DGKB: variants seen among roughly 807,000 people sequenced by gnomAD.
The protein encoded by DGKB is diacylglycerol kinase beta.
DGKB carries 67 observed loss-of-function variants against 114.3 expected under a neutral mutation model. The observed-to-expected ratio is 0.59, with a 90% confidence interval of 0.48 to 0.72. The LOEUF is 0.72. DGKB is among the 30% of genes least tolerant of loss of function. The probability of loss-of-function intolerance (pLI) is 0.00; values close to 1 mark genes in which losing one functional copy is unlikely to be tolerated. For missense variants in DGKB, 907 were observed against 975.2 expected (o/e 0.93, Z 0.93); for synonymous variants, 398 against 323.1 (o/e 1.23, Z -2.49).
intron 13 of DGKB, among the ~76,000 whole-genome samples, chr7:14,672,186 A>G (rs1819076471): frequency 6.6e-6 from 1 of 152,106 alleles, no homozygotes; most frequent in South Asian, 2.1e-4. Flanking sequence ...TTATAATTTT[A>G]TTATATCAAA....
At chr7:14,546,449 A>G (rs1156868779) in intron 20 of DGKB, among the ~76,000 whole-genome samples, 1 of 152,186 alleles carries the variant, frequency 6.6e-6, no homozygotes, top group African/African-American at 2.4e-5. Context: ...ACTTGAGTAC[A>G]TGCAGGGCTG....
intron 20 of DGKB, among the ~76,000 whole-genome samples, chr7:14,514,785 GGCTCAC>G (rs1452290719): frequency 6.6e-6 from 1 of 152,086 alleles, no homozygotes; most frequent in Non-Finnish European, 1.5e-5. Flanking sequence ...CAGGTACAGT[GGCTCAC>G]ACCTGTAATC....
chr7:14,794,569 G>A (rs774716763), intron 2 of DGKB, among the ~76,000 whole-genome samples: 1 of 152,106 alleles, frequency 6.6e-6, no homozygotes, highest in Non-Finnish European at 1.5e-5. Context: ...AATGACTTAG[G>A]AGCTTCCATG....
chr7:14,626,538 A>G (rs1466192140), intron 14 of DGKB, among the ~76,000 whole-genome samples: 1 of 152,200 alleles, frequency 6.6e-6, no homozygotes, highest in Admixed American at 6.5e-5. Context: ...TGATGCAGAA[A>G]TGTTACCACA....
At chr7:14,250,935 T>A (rs1276280678) in intron 23 of DGKB, among the ~76,000 whole-genome samples, 1 of 152,218 alleles carries the variant, frequency 6.6e-6, no homozygotes, top group Non-Finnish European at 1.5e-5. Context: ...TTTCATCTTA[T>A]GTAAGCAGAG....
At chr7:14,953,874 C>T (rs1312185212) in intron 1 of DGKB, among the ~76,000 whole-genome samples, 1 of 152,062 alleles carries the variant, frequency 6.6e-6, no homozygotes, top group Admixed American at 6.6e-5. Flanking sequence ...ATGAGAGCAC[C>T]ACTGGTTCTT....
intron 23 of DGKB, among the ~76,000 whole-genome samples, chr7:14,280,928 G>T (rs917780980): frequency 1.3e-5 from 2 of 151,562 alleles, no homozygotes; most frequent in Non-Finnish European, 2.9e-5. Flanking sequence ...AAAGACCATC[G>T]AGACTAGGAA....
intron 2 of DGKB, among the ~76,000 whole-genome samples, chr7:14,796,181 T>C (rs1156631735): frequency 6.6e-6 from 1 of 152,188 alleles, no homozygotes; most frequent in Admixed American, 6.5e-5. Context: ...ACAGATAACT[T>C]GCTTTAAGAA....
chr7:14,258,212 A>G (rs1796229761), intron 23 of DGKB, among the ~76,000 whole-genome samples: 1 of 152,238 alleles, frequency 6.6e-6, no homozygotes, highest in African/African-American at 2.4e-5. Context: ...CGACTTTGTG[A>G]TACCATGTAT....
intron 23 of DGKB, among the ~76,000 whole-genome samples, chr7:14,243,888 G>A (rs1794023609): frequency 6.6e-6 from 1 of 152,084 alleles, no homozygotes; most frequent in Non-Finnish European, 1.5e-5. Flanking sequence ...CTGATTTATT[G>A]TACCATCTTT....
At chr7:14,455,497 A>G (rs1424303742) in intron 21 of DGKB, among the ~76,000 whole-genome samples, 1 of 152,032 alleles carries the variant, frequency 6.6e-6, no homozygotes, top group African/African-American at 2.4e-5. Flanking sequence ...CAACAAGTGC[A>G]AAGAAATTAC....
chr7:14,731,050 A>T (rs1830835638), intron 5 of DGKB, among the ~76,000 whole-genome samples: 1 of 152,186 alleles, frequency 6.6e-6, no homozygotes, highest in Admixed American at 6.5e-5. Context: ...TTTGGGAAGA[A>T]GCAGTTACAA....
intron 1 of DGKB, among the ~76,000 whole-genome samples, chr7:14,950,405 G>T (rs999707571): frequency 1.3e-5 from 2 of 151,826 alleles, no homozygotes; most frequent in African/African-American, 4.8e-5. Context: ...AAATTTTAAA[G>T]ATTAGAGCAG....
chr7:14,179,217 A>G (rs1782264652), intron 23 of DGKB, among the ~76,000 whole-genome samples: 1 of 152,240 alleles, frequency 6.6e-6, no homozygotes, highest in Non-Finnish European at 1.5e-5. Flanking sequence ...TTGAACTCAC[A>G]TCAATAGAAT....
Position 14,815,905 on chromosome 7 carries a change from T to C in DGKB, c.70+25289A>G, listed in dbSNP as rs534279986. On this transcript the variant is annotated intron_variant, in intron 2 of 25. Transcript: ENST00000402815. The stretch of plus-strand genomic sequence containing the variant: ...TACCAGGGGATGGATAAAATATAAC[T>C]GCTCAGGTGAAACTGAAGGAAGAAT... 2.6e-5 allele frequency among the ~76,000 whole-genome samples: 4 copies of C among 152,298 alleles called. No individual in the cohort carries two copies. In the East Asian group the frequency reaches 7.7e-4, roughly 29 times the overall value.
At chr7:14,322,580 GC>G (rs1808024575) in intron 23 of DGKB, among the ~76,000 whole-genome samples, 1 of 151,878 alleles carries the variant, frequency 6.6e-6, no homozygotes, top group Non-Finnish European at 1.5e-5. Flanking sequence ...CAGATAAAAA[GC>G]AATAAGAAAA....
chr7:14,708,865 A>G (rs183638411), intron 6 of DGKB, among the ~76,000 whole-genome samples: 78,324 of 147,454 alleles, frequency 0.53, 21,324 homozygotes, highest in East Asian at 0.85. Flanking sequence ...AAAAACCCTA[A>G]AAGAAAACCT....
At chr7:14,816,192 G>C (rs191220160) in intron 2 of DGKB, among the ~76,000 whole-genome samples, 80 of 152,102 alleles carry the variant, frequency 5.3e-4, no homozygotes, top group African/African-American at 1.7e-3. Flanking sequence ...AAATTAGCTG[G>C]ACATAGTGGC....
At chr7:14,168,658 G>C (rs1017302527) in intron 25 of DGKB, among the ~76,000 whole-genome samples, 3 of 152,234 alleles carry the variant, frequency 2.0e-5, no homozygotes, top group Admixed American at 6.5e-5. Flanking sequence ...CATTTGCAAA[G>C]TATGAAGGGG....
Sources: gnomAD v4.1 joint callset for allele counts (sites outside exome capture counted in the v4.1 genomes callset) on GRCh38, gnomAD v4.1.1 for gene constraint, MANE v1.5 for transcripts, NCBI Gene and HGNC (gene_info 2026-07-23, HGNC 2026-07-21) for gene names.